OR6B3: variants seen among roughly 807,000 people sequenced by gnomAD.
The protein encoded by OR6B3 is olfactory receptor family 6 subfamily B member 3.
For synonymous variants in OR6B3, 148 were observed against 187.8 expected (o/e 0.79, Z 1.73); for missense variants, 315 against 427.4 (o/e 0.74, Z 2.32).
chr2:240,048,356 G>C (rs955910946), upstream of OR6B3, among the ~76,000 whole-genome samples: 1 of 152,134 alleles, frequency 6.6e-6, no homozygotes, highest in African/African-American at 2.4e-5. Flanking sequence ...GGCTGCTTCT[G>C]CTGTGGCCGT....
chr2:240,047,937 A>G (rs554939513), upstream of OR6B3, among the ~76,000 whole-genome samples: 2 of 152,350 alleles, frequency 1.3e-5, no homozygotes, highest in South Asian at 4.1e-4. Context: ...TTCCCCAAAT[A>G]GCAGAGAAAT....
At chr2:240,045,003 G>A, downstream of OR6B3, 1 of 1,421,992 alleles carries the variant, frequency 7.0e-7, no homozygotes, top group Non-Finnish European at 9.5e-7. Context: ...TTTTCCTGAA[G>A]GAGAAAAATA....
chr2:240,051,892 A>G (rs1449874533), upstream of OR6B3, among the ~76,000 whole-genome samples: 2 of 152,246 alleles, frequency 1.3e-5, no homozygotes, highest in African/African-American at 4.8e-5. Context: ...CCAACAGCCT[A>G]CAGCATCCCC....
upstream of OR6B3, among the ~76,000 whole-genome samples, chr2:240,048,399 C>T (rs1239099292): frequency 1.3e-5 from 2 of 152,192 alleles, no homozygotes; most frequent in Non-Finnish European, 2.9e-5. Flanking sequence ...CACCTACCCC[C>T]ATCTCCGCAC....
At chr2:240,046,780 C>A (rs924629487) in intron 1 of OR6B3, among the ~76,000 whole-genome samples, 172 bp downstream of exon 2, 1 of 152,172 alleles carries the variant, frequency 6.6e-6, no homozygotes, top group Non-Finnish European at 1.5e-5. Flanking sequence ...AAGTCTAGAA[C>A]GTTCTCGAGG....
upstream of OR6B3, among the ~76,000 whole-genome samples, chr2:240,050,574 C>T (rs1698243626): frequency 6.6e-6 from 1 of 151,984 alleles, no homozygotes. Flanking sequence ...CTTAGCCTGG[C>T]GTCATGGCAG....
upstream of OR6B3, among the ~76,000 whole-genome samples, chr2:240,051,187 G>A (rs7577013): frequency 0.21 from 31,836 of 152,130 alleles, 5,716 homozygotes; most frequent in African/African-American, 0.49. Context: ...TAAACTGCAG[G>A]TGGAGACCCA....
Position 240,047,010 on chromosome 2 carries a change from C to T in OR6B3, c.-84G>A, listed in dbSNP as rs181846217. Reference sequence around the variant, plus strand: ...AATCTTCTAACACCAAGGCCGCTGCCCTTCCAATGCGGTTTCCACAACAGA... The same window carrying T: ...AATCTTCTAACACCAAGGCCGCTGCTCTTCCAATGCGGTTTCCACAACAGA... On this transcript the variant is annotated 5_prime_UTR_variant, in exon 1 of 2. Transcript: ENST00000641019. The T allele has an allele frequency of 2.5e-4, 38 of 152,292 alleles. No individual in the cohort carries two copies. The East Asian group carries it at 4.1e-3, about 16-fold the overall frequency. 9.4% of individuals were successfully genotyped at this position (152,292 alleles called of 1,614,324 possible). A position where few individuals can be genotyped will look rare whatever the true frequency, so the allele number is the denominator to read the frequency against.
chr2:240,045,172 A>C, exon 2 of OR6B3: 1 of 1,614,198 alleles, frequency 6.2e-7, no homozygotes, highest in Non-Finnish European at 8.5e-7. Context: ...GCTTTTTTCA[A>C]GGCATTCTTA....
upstream of OR6B3, among the ~76,000 whole-genome samples, chr2:240,048,472 C>T (rs1388822252): frequency 2.0e-5 from 3 of 151,958 alleles, no homozygotes; most frequent in Non-Finnish European, 2.9e-5. Flanking sequence ...GGGTACGAGC[C>T]GGCTGCAGGG....
chr2:240,050,467 C>A (rs992373324), upstream of OR6B3, among the ~76,000 whole-genome samples: 1 of 152,172 alleles, frequency 6.6e-6, no homozygotes, highest in Non-Finnish European at 1.5e-5. Context: ...GTAATCCCAG[C>A]CCTTTGGGAG....
upstream of OR6B3, among the ~76,000 whole-genome samples, chr2:240,051,259 G>A (rs1698252967): frequency 6.6e-6 from 1 of 152,168 alleles, no homozygotes; most frequent in Non-Finnish European, 1.5e-5. Flanking sequence ...TTTATTCAGT[G>A]GTCCTCTTCC....
exon 2 of OR6B3, chr2:240,045,923 C>G: frequency 6.5e-7 from 1 of 1,537,860 alleles, no homozygotes; most frequent in Non-Finnish European, 9.0e-7. Flanking sequence ...AGGTGCTGCT[C>G]CAGACGGTGA....
At chr2:240,049,952 A>T (rs1698235168), upstream of OR6B3, among the ~76,000 whole-genome samples, 1 of 152,202 alleles carries the variant, frequency 6.6e-6, no homozygotes, top group Non-Finnish European at 1.5e-5. Context: ...ATGAGTCCTT[A>T]AAAATTTTAA....
chr2:240,050,494 C>G (rs1447882869), upstream of OR6B3, among the ~76,000 whole-genome samples: 1 of 152,134 alleles, frequency 6.6e-6, no homozygotes, highest in East Asian at 1.9e-4. Flanking sequence ...GCGGGCAGAT[C>G]ACCTGAGGTC....
downstream of OR6B3, among the ~76,000 whole-genome samples, chr2:240,044,593 T>A (rs13393875): frequency 0.26 from 39,834 of 152,268 alleles, 5,391 homozygotes; most frequent in African/African-American, 0.31. Flanking sequence ...ACAATTTTTA[T>A]TTTCTCAGCA....
intron 1 of OR6B3, 125 bp from the exon 3 acceptor site, chr2:240,046,222 T>G (rs1296206262): frequency 3.2e-6 from 2 of 630,606 alleles, no homozygotes; most frequent in African/African-American, 3.7e-5. Flanking sequence ...AGAGCACCAG[T>G]GGGGAGCAAA....
At chr2:240,046,300 G>A (rs958983724) in intron 1 of OR6B3, among the ~76,000 whole-genome samples, 2 of 152,108 alleles carry the variant, frequency 1.3e-5, no homozygotes, top group South Asian at 2.1e-4. Flanking sequence ...GTCTCAGCCT[G>A]TAACACTGGG....
chr2:240,045,103 G>A, exon 2 of OR6B3: 3 of 1,600,940 alleles, frequency 1.9e-6, no homozygotes, highest in Non-Finnish European at 2.6e-6. Flanking sequence ...TGTATTTGGA[G>A]ATGAAGTTCC....
Sources: gnomAD v4.1 joint callset for allele counts (sites outside exome capture counted in the v4.1 genomes callset) on GRCh38, gnomAD v4.1.1 for gene constraint, MANE v1.5 for transcripts, NCBI Gene and HGNC (gene_info 2026-07-23, HGNC 2026-07-21) for gene names.